Variants in EPS15 observed in about 807,000 individuals in gnomAD.
The protein encoded by EPS15 is epidermal growth factor receptor substrate 15.
EPS15 carries 72 observed loss-of-function variants against 113.8 expected under a neutral mutation model. The ratio of observed to expected loss-of-function variants is 0.63; its 90% CI spans 0.52 to 0.77. The LOEUF (loss-of-function observed/expected upper bound fraction) is 0.77. Among genes scored for constraint, EPS15 ranks in the 30% least tolerant of loss-of-function variants. The pLI is 0.00. For missense variants in EPS15, 1,048 were observed against 1,045.8 expected (o/e 1.00, Z -0.03); for synonymous variants, 344 against 363.4 (o/e 0.95, Z 0.61).
At chr1:51,381,579 C>T (rs1274583447) in intron 21 of EPS15, among the ~76,000 whole-genome samples, 3 of 152,124 alleles carry the variant, frequency 2.0e-5, no homozygotes, top group Middle Eastern at 3.4e-3. Flanking sequence ...GGTGGCAGAA[C>T]GAGGCTCTAT....
intron 21 of EPS15, among the ~76,000 whole-genome samples, chr1:51,390,483 A>G (rs1396565878): frequency 6.6e-6 from 1 of 152,018 alleles, no homozygotes; most frequent in Non-Finnish European, 1.5e-5. Flanking sequence ...ATTAAACTAA[A>G]GAGCTTCTGC....
intron 21 of EPS15, among the ~76,000 whole-genome samples, chr1:51,369,550 A>C (rs1295022883): frequency 2.0e-5 from 3 of 152,212 alleles, no homozygotes; most frequent in Admixed American, 1.3e-4. Context: ...ATAAAAGTAT[A>C]ATTTAAAAAT....
chr1:51,379,742 C>T (rs1646892723), intron 21 of EPS15, among the ~76,000 whole-genome samples: 1 of 151,840 alleles, frequency 6.6e-6, no homozygotes, highest in Admixed American at 6.6e-5. Flanking sequence ...CATGGTGAAA[C>T]CCCATCTCTA....
intron 8 of EPS15, among the ~76,000 whole-genome samples, chr1:51,460,242 A>G (rs550890232): frequency 4.6e-5 from 7 of 152,330 alleles, no homozygotes; most frequent in African/African-American, 1.7e-4. Context: ...GTAAAAGGGA[A>G]ATTAGAAATT....
At chr1:51,405,463 G>A (rs548183915) in intron 16 of EPS15, among the ~76,000 whole-genome samples, 4 of 152,262 alleles carry the variant, frequency 2.6e-5, no homozygotes, top group South Asian at 2.1e-4. Flanking sequence ...TTGGGAGGCC[G>A]AGGCAGATGG....
At chr1:51,507,728 G>A (rs1644522031) in intron 1 of EPS15, among the ~76,000 whole-genome samples, 1 of 151,938 alleles carries the variant, frequency 6.6e-6, no homozygotes, top group African/African-American at 2.4e-5. Context: ...ATATATGTGT[G>A]TGTGTGTATG....
chr1:51,441,646 A>T (rs1652605791), intron 11 of EPS15, among the ~76,000 whole-genome samples: 1 of 152,100 alleles, frequency 6.6e-6, no homozygotes. Context: ...TTATATACTC[A>T]TTTACAATTC....
intron 21 of EPS15, among the ~76,000 whole-genome samples, chr1:51,369,063 CAT>C (rs778419093): frequency 6.6e-6 from 1 of 152,180 alleles, no homozygotes; most frequent in South Asian, 2.1e-4. Flanking sequence ...CAAGTCACAA[CAT>C]GTGTGCAATA....
chr1:51,440,509 C>G, intron 11 of EPS15, 77 bp from the exon 12 acceptor site: 2 of 589,464 alleles, frequency 3.4e-6, no homozygotes, highest in Non-Finnish European at 2.9e-6. Flanking sequence ...AATATTAAAG[C>G]TCTACGCAGA....
chr1:51,422,827 T>TA (rs1650886289), intron 12 of EPS15, among the ~76,000 whole-genome samples: 1 of 152,184 alleles, frequency 6.6e-6, no homozygotes, highest in East Asian at 1.9e-4. Context: ...CAGGGAAAGG[T>TA]AAAAGGCGGC....
At chr1:51,383,363 A>G (rs1330545403) in intron 21 of EPS15, among the ~76,000 whole-genome samples, 1 of 152,214 alleles carries the variant, frequency 6.6e-6, no homozygotes, top group African/African-American at 2.4e-5. Context: ...ACTTCTATTC[A>G]ATATAGCAGC....
chr1:51,361,196 G>C lies in EPS15; in HGVS notation c.2519C>G (p.Pro840Arg), dbSNP rs1334384686. 5 of 1,613,770 alleles carry C rather than the reference G, an allele frequency of 3.1e-6. No homozygotes were observed. The Admixed American group carries it at 8.3e-5, about 27-fold the overall frequency. ...AGCACTGAAGTTGGCAAAATTGCTT[G>C]GATCAGCCTCTTTATTGGTAGTGGT... Reference protein sequence around the residue: ...ATTTTNKEADPSNFANFSAYP... With the variant: ...ATTTTNKEADRSNFANFSAYP... The change falls in exon 24 of 25, where the codon CCA (proline) becomes CGA (arginine). Residue 840 changes from proline to arginine, a missense_variant. Pro to Arg is a moderately radical substitution (Grantham distance 103). Coordinates refer to ENST00000371733, the MANE Select transcript of EPS15 (RefSeq NM_001981.3).
intron 19 of EPS15, among the ~76,000 whole-genome samples, chr1:51,400,712 C>CTAAAAAAAAAAAAAAAAA (rs1648437124): frequency 1.7e-5 from 1 of 60,188 alleles, no homozygotes; most frequent in Non-Finnish European, 3.1e-5. Flanking sequence ...CAAAAAACAC[C>CTAAAAAAAAAAAAAAAAA]AAAAAAAAAA....
In EPS15 at chr1:51,461,094, T is replaced by G. The variant is rs754021134; in HGVS notation, c.558A>C (p.Ala186=). The change falls in exon 8 of 25, where the codon GCA becomes GCC. Residue 186 remains alanine (A), a synonymous_variant. Transcript: ENST00000371733. ...TTAAGAACATTAGATTACTTACAAC[T>G]GCAAACTCATCTCTGTCAAGCATTC... is the stretch of plus-strand genomic sequence containing the variant. ...HDGMLDRDEF[A]VAMFLVYCAL... The G allele has an allele frequency of 3.1e-6, 5 of 1,591,050 alleles. No homozygotes were observed. Among genetic ancestry groups the G allele is most frequent in the Non-Finnish European group, 4.3e-6 (5 of 1,158,954 alleles).
In EPS15 at chr1:51,455,976, T is replaced by C. The variant is rs1653968011; in HGVS notation, c.561+5115A>G. ...AAAAAAACCAAAAAACTAAAAGATA[T>C]TCTAGATTCTGGATTTTTAATTAAA... On this transcript the variant is annotated intron_variant, in intron 8 of 24. Coordinates refer to ENST00000371733, the MANE Select transcript of EPS15 (RefSeq NM_001981.3). Among the ~76,000 whole-genome samples, 4 of 151,762 alleles carry C rather than the reference T, an allele frequency of 2.6e-5. No homozygotes were observed. In the South Asian group the frequency reaches 8.3e-4, roughly 31 times the overall value.
At position 51,451,824 on chromosome 1, in the gene EPS15, C is replaced by T. The variant is rs989446429; in HGVS notation, c.562-3689G>A. ...AACTATCTTTTAGCATATGAAATCA[C>T]TCAAACTAACTTGGAACCTCTAGAA... is the stretch of plus-strand genomic sequence containing the variant. On this transcript the variant is annotated intron_variant, in intron 8 of 24. Coordinates refer to ENST00000371733, the MANE Select transcript of EPS15 (RefSeq NM_001981.3). 2.0e-5 allele frequency among the ~76,000 whole-genome samples: 3 copies of T among 152,142 alleles called. No homozygotes were observed. The East Asian group carries it at 5.8e-4, about 29-fold the overall frequency.
chr1:51,408,616 T>C (rs1174184723), intron 14 of EPS15, among the ~76,000 whole-genome samples: 2 of 151,672 alleles, frequency 1.3e-5, no homozygotes, highest in Non-Finnish European at 2.9e-5. Context: ...GATGTTGTTG[T>C]TGTTGTTGAT....
chr1:51,482,218 G>A (rs929820000), intron 1 of EPS15, among the ~76,000 whole-genome samples: 6 of 152,120 alleles, frequency 3.9e-5, no homozygotes, highest in African/African-American at 1.4e-4. Context: ...CCATATGAAT[G>A]TGTAAGAGTG....
rs370183281 is a variant in EPS15 at position 51,402,220 on chromosome 1, G to A, written c.1882+215C>T. On this transcript the variant is annotated intron_variant, in intron 18 of 24. Coordinates refer to ENST00000371733, the MANE Select transcript of EPS15 (RefSeq NM_001981.3). ...AAATTAGCTGGGTGTGGTGGTGGGC[G>A]CCTGTAGTCTCAGCTACTCAAGAGG... Among the ~76,000 whole-genome samples the A allele has an allele frequency of 1.1e-4, 17 of 150,564 alleles. No individual in the cohort carries two copies. In the East Asian group the frequency reaches 3.1e-3, roughly 28 times the overall value.
Sources: allele counts gnomAD v4.1 joint callset (sites outside exome capture counted in the v4.1 genomes callset), GRCh38; gene constraint gnomAD v4.1.1; transcripts MANE v1.5; gene names NCBI Gene and HGNC (gene_info 2026-07-23, HGNC 2026-07-21).